CARMIL2: variants seen among roughly 807,000 people sequenced by gnomAD.
CARMIL2 encodes the protein capping protein, Arp2/3 and myosin-I linker protein 2.
CARMIL2 carries 96 observed loss-of-function variants against 173.3 expected under a neutral mutation model. The observed-to-expected ratio is 0.55, with a 90% CI of 0.47 to 0.66. CARMIL2 has a LOEUF of 0.66. Among genes scored for constraint, CARMIL2 ranks in the 30% least tolerant of loss-of-function variants. The pLI is 0.00. For synonymous variants in CARMIL2, 830 were observed against 817.1 expected (o/e 1.02, Z -0.27); for missense variants, 1,771 against 1,906.7 (o/e 0.93, Z 1.33).
chr16:67,647,017 C>T lies in CARMIL2; in HGVS notation c.611+44C>T, dbSNP rs778239934. The T allele has an allele frequency of 1.4e-5, 23 of 1,607,440 alleles. No homozygotes were observed. The African/African-American group carries it at 2.9e-4, about 21-fold the overall frequency. On this transcript the variant is annotated intron_variant, in intron 8 of 37. Coordinates refer to ENST00000334583, the MANE Select transcript of CARMIL2 (RefSeq NM_001013838.3). The stretch of plus-strand genomic sequence containing the variant: ...TGGGAGAGGAGGAAGATCCCGGGGC[C>T]CATATCCCTGGGCCTCAGTTTCTCC...
In CARMIL2 at chr16:67,645,300, C is replaced by T; in HGVS notation, c.40+14C>T. ...GTGAGCTCCGAGGTAAGCGCTGGCC[C>T]TTCCTGCCTTCTTGGCCGGGAGGAA... is the stretch of plus-strand genomic sequence containing the variant. On this transcript the variant is annotated intron_variant, in intron 1 of 37. Transcript: ENST00000334583. 1 of 1,601,070 alleles carries T rather than the reference C, an allele frequency of 6.2e-7. No individual in the cohort carries two copies. Among genetic ancestry groups the T allele is most frequent in the Non-Finnish European group, 8.5e-7 (1 of 1,174,426 alleles).
Position 67,647,540 on chromosome 16 carries a change from C to A in CARMIL2, c.809C>A (p.Ala270Glu), listed in dbSNP as rs200995809. Residue 270 changes from alanine to glutamate, a missense_variant, in exon 11 of 38, where the codon GCG becomes GAG. Ala to Glu is a moderately radical substitution (Grantham distance 107). Transcript: ENST00000334583. ...GTCCGACGACTGGCCCAGGCGCTGG[C>A]GGGACACTCAAGCTCTGGGCTGCGG... ...DFVRRLAQAL[A>E]GHSSSGLREL... 1.9e-6 allele frequency: 3 copies of A among 1,609,712 alleles called. No individual in the cohort carries two copies. The highest frequency in any genetic ancestry group is 2.5e-6 in the Non-Finnish European group (3 of 1,178,308).
rs1251796497 is a variant in CARMIL2, at chr16:67,652,378, C to T, written c.2817+39C>T. 2 of 1,612,148 alleles carry T rather than the reference C, an allele frequency of 1.2e-6. No homozygotes were observed. Among genetic ancestry groups the T allele is most frequent in the Admixed American group, 1.7e-5 (1 of 59,910 alleles). On this transcript the variant is annotated intron_variant, in intron 27 of 37. Coordinates refer to ENST00000334583, the MANE Select transcript of CARMIL2 (RefSeq NM_001013838.3). This position sits in a 1 kb window ranked among gnomAD's most constrained non-coding sequence, Gnocchi z 4.7. ...GAACACGGGGCATGGCACTCCCAGT[C>T]TTCCCATCTTGCTGTGGAGTGTGGA...
chr16:67,657,424 A>G lies in CARMIL2; in HGVS notation c.4214A>G (p.Glu1405Gly). The G allele has an allele frequency of 6.2e-7, 1 of 1,607,574 alleles. No homozygotes were observed. The change falls in exon 38 of 38, where the codon GAG becomes GGG. Residue 1405 changes from glutamate to glycine, a missense_variant. This residue lies in a region of CARMIL2 where 817 missense variants were observed against 903.5 expected (regional missense o/e 0.90). Coordinates refer to ENST00000334583, the MANE Select transcript of CARMIL2 (RefSeq NM_001013838.3). The surrounding 1 kb of genome is among the most constrained non-coding windows in gnomAD (Gnocchi z 4.5). ...SPSLGSGLGT[E>G]PLPPQPTEPS... The stretch of plus-strand genomic sequence containing the variant: ...CTCACAGGATCTGGCCTTGGAACCG[A>G]GCCTCTGCCCCCACAGCCCACAGAG...
Position 67,650,301 on chromosome 16 carries a change from C to T in CARMIL2, c.2184+151C>T, listed in dbSNP as rs186788631. ...AAAGTCCCTCTCCTTGATCTGGAGGCGGCTAAACACCCCTTAAATAGCTCT... is the reference window on the plus strand; with the variant it reads ...AAAGTCCCTCTCCTTGATCTGGAGGTGGCTAAACACCCCTTAAATAGCTCT... On this transcript the variant is annotated intron_variant, in intron 22 of 37. Coordinates refer to ENST00000334583, the MANE Select transcript of CARMIL2 (RefSeq NM_001013838.3). 88 of 637,750 alleles carry T rather than the reference C, an allele frequency of 1.4e-4. 2 individuals are homozygous for T. The highest frequency in any genetic ancestry group is 1.3e-3 in the South Asian group (67 of 53,008). 39.5% of individuals were successfully genotyped at this position (637,750 alleles called of 1,614,324 possible).
Position 67,649,109 on chromosome 16 carries a change from C to T in CARMIL2, c.1625C>T (p.Ala542Val), listed in dbSNP as rs755545800. 1.9e-6 allele frequency: 3 copies of T among 1,613,268 alleles called. No individual in the cohort carries two copies. Among genetic ancestry groups the T allele is most frequent in the Non-Finnish European group, 8.5e-7 (1 of 1,179,730 alleles). Reference sequence around the variant, plus strand: ...TCAGACATGGTGACTCTGGTGCTGGCCATCGGGAGAAGCCGGTCCCTGAGA... The same window carrying T: ...TCAGACATGGTGACTCTGGTGCTGGTCATCGGGAGAAGCCGGTCCCTGAGA... ...FGSDMVTLVL[A>V]IGRSRSLRHV... Residue 542 changes from alanine to valine, a missense_variant, in exon 18 of 38, where the codon GCC (alanine) becomes GTC (valine). Coordinates refer to ENST00000334583, the MANE Select transcript of CARMIL2 (RefSeq NM_001013838.3). The surrounding 1 kb of genome is among the most constrained non-coding windows in gnomAD (Gnocchi z 6.7).
chr16:67,648,228 C>A lies in CARMIL2; in HGVS notation c.1248C>A (p.Leu416=). Residue 416 remains leucine (L), a synonymous_variant, in exon 14 of 38, where the codon CTC becomes CTA. Coordinates refer to ENST00000334583, the MANE Select transcript of CARMIL2 (RefSeq NM_001013838.3). The surrounding 1 kb of genome is among the most constrained non-coding windows in gnomAD (Gnocchi z 6.1). ...LGPPAGVANS[L]PPQLFAAVSR... ...CCCCCGCGGGTGTAGCCAACAGCCT[C>A]CCCCCGCAGCTCTTCGCAGCGGTAT... 6.2e-7 allele frequency: 1 copy of A among 1,603,362 alleles called. No individual in the cohort carries two copies. Among genetic ancestry groups the A allele is most frequent in the Non-Finnish European group, 8.5e-7 (1 of 1,176,210 alleles).
Position 67,652,449 on chromosome 16 carries a change from TGA to T in CARMIL2, c.2818-21_2818-20del, listed in dbSNP as rs1349992766. On this transcript the variant is annotated intron_variant, in intron 27 of 37. Transcript: ENST00000334583. This position sits in a 1 kb window ranked among gnomAD's most constrained non-coding sequence, Gnocchi z 4.7. Reference sequence around the variant, plus strand: ...GGGTTGGTGCTCTCCTACCCCAGGCTGAGTTTGTGCCCTCCCCACCAGGATGA... The same window carrying T: ...GGGTTGGTGCTCTCCTACCCCAGGCTGTTTGTGCCCTCCCCACCAGGATGA... The T allele has an allele frequency of 6.2e-7, 1 of 1,613,130 alleles. No individual in the cohort carries two copies. The highest frequency in any genetic ancestry group is 1.3e-5 in the African/African-American group (1 of 75,010).
chr16:67,647,572 A>C lies in CARMIL2; in HGVS notation c.841A>C (p.Ser281Arg). The stretch of plus-strand genomic sequence containing the variant: ...CTCAAGCTCTGGGCTGCGGGAGCTC[A>C]GCCTCGCGGGGAACCTGCTGGATGA... The part of the protein sequence containing the change: ...GHSSSGLREL[S>R]LAGNLLDDRG... The change falls in exon 11 of 38, where the codon AGC (serine) becomes CGC (arginine). Residue 281 changes from serine to arginine, a missense_variant. Ser to Arg is a moderately radical substitution (Grantham distance 110). Coordinates refer to ENST00000334583, the MANE Select transcript of CARMIL2 (RefSeq NM_001013838.3). 6.2e-7 allele frequency: 1 copy of C among 1,611,180 alleles called. No individual in the cohort carries two copies. The highest frequency in any genetic ancestry group is 8.5e-7 in the Non-Finnish European group (1 of 1,178,936).
At chr16:67,645,333 A>T in intron 1 of CARMIL2, 47 bp downstream of exon 1, 1 of 1,571,520 alleles carries the variant, frequency 6.4e-7, no homozygotes, top group African/African-American at 1.3e-5. Flanking sequence ...GAAGTAGTGC[A>T]GCCCCAAAAT....
In CARMIL2 at chr16:67,651,706, G is replaced by A; in HGVS notation, c.2449G>A (p.Asp817Asn). The change falls in exon 25 of 38, where the codon GAC becomes AAC. Residue 817 changes from aspartate to asparagine, a missense_variant. By Grantham distance (23) the Asp-to-Asn change is conservative. Around this residue, in one of 3 missense-constraint regions of CARMIL2, gnomAD observed 817 missense variants for 903.5 expected, o/e 0.90. Coordinates refer to ENST00000334583, the MANE Select transcript of CARMIL2 (RefSeq NM_001013838.3). The surrounding 1 kb of genome is among the most constrained non-coding windows in gnomAD (Gnocchi z 4.2). ...CTAGGACTTCACTCAGGCCACACTG[G>A]ACACAGCAAGGAGCCTCTGCCCACA... ...DIQDFTQATL[D>N]TARSLCPQML... 6.2e-7 allele frequency: 1 copy of A among 1,606,932 alleles called. No homozygotes were observed. The highest frequency in any genetic ancestry group is 8.5e-7 in the Non-Finnish European group (1 of 1,177,412).
Position 67,657,032 on chromosome 16 carries a change from T to C in CARMIL2, c.4117+151T>C, listed in dbSNP as rs1382987201. ...GAGCCAGAAGACCAGGTGCAAGGGT[T>C]TGACAGCAAGCCCTTCCAACTAGCA... On this transcript the variant is annotated intron_variant, in intron 36 of 37. Coordinates refer to ENST00000334583, the MANE Select transcript of CARMIL2 (RefSeq NM_001013838.3). This position sits in a 1 kb window ranked among gnomAD's most constrained non-coding sequence, Gnocchi z 4.5. 2.6e-6 allele frequency: 2 copies of C among 776,236 alleles called. No homozygotes were observed. The highest frequency in any genetic ancestry group is 3.5e-5 in the African/African-American group (2 of 57,080). The allele number at this position is 776,236 out of a possible 1,614,324, so 48.1% of individuals were successfully genotyped here.
rs948111586 is a variant in CARMIL2 at position 67,647,825 on chromosome 16, G to A, written c.959-21G>A. On this transcript the variant is annotated intron_variant, in intron 12 of 37. Coordinates refer to ENST00000334583, the MANE Select transcript of CARMIL2 (RefSeq NM_001013838.3). ...GGGTGGGGGTCTGTCCAACTGCTGAGTGACCCCGACCCACCACCAGGAATG... is the reference window on the plus strand; with the variant it reads ...GGGTGGGGGTCTGTCCAACTGCTGAATGACCCCGACCCACCACCAGGAATG... 3 of 1,594,372 alleles carry A rather than the reference G, an allele frequency of 1.9e-6. No homozygotes were observed. In the South Asian group the frequency reaches 3.4e-5, roughly 18 times the overall value.
In CARMIL2 at chr16:67,651,231, G is replaced by T; in HGVS notation, c.2229G>T (p.Leu743=). The part of the protein sequence containing the change: ...LCQSVQEHVE[L]LGCGAGPQGE... ...AGTCGGTGCAGGAGCATGTGGAGCT[G>T]CTGGGCTGTGGGGCTGGGCCCCAGG... The change falls in exon 23 of 38, where the codon CTG becomes CTT. Residue 743 remains leucine (L), a synonymous_variant. Coordinates refer to ENST00000334583, the MANE Select transcript of CARMIL2 (RefSeq NM_001013838.3). This position sits in a 1 kb window ranked among gnomAD's most constrained non-coding sequence, Gnocchi z 4.2. 1 of 1,613,646 alleles carries T rather than the reference G, an allele frequency of 6.2e-7. No homozygotes were observed. The highest frequency in any genetic ancestry group is 1.1e-5 in the South Asian group (1 of 91,080).
At position 67,654,863 on chromosome 16, in the gene CARMIL2, G is replaced by C. The variant is rs1282857282; in HGVS notation, c.3668G>C (p.Ser1223Thr). 6.2e-7 allele frequency: 1 copy of C among 1,613,642 alleles called. No individual in the cohort carries two copies. The highest frequency in any genetic ancestry group is 1.1e-5 in the South Asian group (1 of 91,080). ...GTAATGCTGCAGAGGATAGGCGTCA[G>C]CCGAGGCAGCGGGGGTGCCGAAGGC... is the stretch of plus-strand genomic sequence containing the variant. ...VQVMLQRIGV[S>T]RGSGGAEGKR... Residue 1223 changes from serine to threonine, a missense_variant, in exon 32 of 38, where the codon AGC (serine) becomes ACC (threonine). Ser to Thr is a moderately conservative substitution (Grantham distance 58). Transcript: ENST00000334583.
chr16:67,653,237 C>T lies in CARMIL2; in HGVS notation c.3103C>T (p.Pro1035Ser). ...RPRRQHHHRP[P>S]PGGPQVPPAL... ...GCGCCGCCAGCACCACCACCGCCCG[C>T]CGCCGGGGGGCCCCCAGGTGAGCAC... The change falls in exon 29 of 38, where the codon CCG (proline) becomes TCG (serine). Residue 1035 changes from proline to serine, a missense_variant. Coordinates refer to ENST00000334583, the MANE Select transcript of CARMIL2 (RefSeq NM_001013838.3). This position sits in a 1 kb window ranked among gnomAD's most constrained non-coding sequence, Gnocchi z 7.4. 8.8e-7 allele frequency: 1 copy of T among 1,140,508 alleles called. No individual in the cohort carries two copies. Among genetic ancestry groups the T allele is most frequent in the South Asian group, 4.2e-5 (1 of 23,544 alleles). The allele number at this position is 1,140,508 out of a possible 1,614,324, so 70.6% of individuals were successfully genotyped here. A position where few individuals can be genotyped will look rare whatever the true frequency, so the allele number is the denominator to read the frequency against.
At chr16:67,656,373 A>G in intron 34 of CARMIL2, 51 bp from the exon 35 acceptor site, 1 of 1,610,110 alleles carries the variant, frequency 6.2e-7, no homozygotes, top group South Asian at 1.1e-5. Flanking sequence ...TGTTGTTCAG[A>G]CCTATCGCCA....
chr16:67,649,321 C>T lies in CARMIL2; in HGVS notation c.1746+10C>T. On this transcript the variant is annotated intron_variant, in intron 19 of 37. Coordinates refer to ENST00000334583, the MANE Select transcript of CARMIL2 (RefSeq NM_001013838.3). The surrounding 1 kb of genome is among the most constrained non-coding windows in gnomAD (Gnocchi z 6.7). ...GCAGGACGACGATTGTGTGAGTTCA[C>T]GGGACCTTGCAGGGCCTCGGGCAAT... 1 of 1,611,164 alleles carries T rather than the reference C, an allele frequency of 6.2e-7. No individual in the cohort carries two copies. Among genetic ancestry groups the T allele is most frequent in the Non-Finnish European group, 8.5e-7 (1 of 1,179,524 alleles).
At chr16:67,656,729 C>A in intron 35 of CARMIL2, 72 bp from the exon 36 acceptor site, 1 of 1,565,930 alleles carries the variant, frequency 6.4e-7, no homozygotes, top group Non-Finnish European at 8.7e-7. Context: ...CTCTAAGGAC[C>A]CTGAGGGTGG....
Sources: gnomAD v4.1 joint callset for allele counts on GRCh38, gnomAD v4.1.1 for gene constraint, gnomAD v4.1.1 regional missense constraint, Gnocchi (gnomAD v3.1) non-coding constraint, MANE v1.5 for transcripts, NCBI Gene and HGNC (gene_info 2026-07-23, HGNC 2026-07-21) for gene names.